ABI3BP: variants seen among roughly 807,000 people sequenced by gnomAD.
ABI3BP encodes the protein ABI family member 3 binding protein.
A neutral mutation model predicts 268.6 loss-of-function variants in ABI3BP; 216 were observed. The observed-to-expected ratio is 0.80, with a 90% CI of 0.72 to 0.90. ABI3BP has a LOEUF of 0.90. Ranked by LOEUF, ABI3BP falls within the 40% of genes least tolerant of loss-of-function variation. ABI3BP has a pLI of 0.00. For synonymous variants in ABI3BP, 730 were observed against 730.0 expected, an observed-to-expected ratio of 1.00 and a Z score of 0.00; for missense variants, 2,090 against 2,182.4, an observed-to-expected ratio of 0.96 and a Z score of 0.84.
rs528016706 is a variant in ABI3BP, at chr3:100,816,824, T to C, written c.3149-56A>G. On this transcript the variant is annotated intron_variant, in intron 42 of 67. Transcript: ENST00000471714. ...GCAGGTGGCTTTGGAGACAAAACTT[T>C]AGGTTTTTAAAGGTATGTCATATTT... 9.5e-5 allele frequency: 129 copies of C among 1,362,440 alleles called. No individual in the cohort carries two copies. The African/African-American group carries it at 1.8e-3, about 19-fold the overall frequency. 84.4% of individuals were successfully genotyped at this position (1,362,440 alleles called of 1,614,324 possible). A position where few individuals can be genotyped will look rare whatever the true frequency, so the allele number is the denominator to read the frequency against.
At chr3:100,937,560 T>G (rs1383835576) in intron 1 of ABI3BP, among the ~76,000 whole-genome samples, 1 of 152,090 alleles carries the variant, frequency 6.6e-6, no homozygotes, top group Non-Finnish European at 1.5e-5. Context: ...GAACGGGCTA[T>G]GACTTTCCTC....
At chr3:100,850,166 G>C in intron 16 of ABI3BP, 47 bp from the exon 17 acceptor site, 15 of 1,535,628 alleles carry the variant, frequency 9.8e-6, no homozygotes, top group Non-Finnish European at 1.3e-5. Context: ...CAGTTAAAAT[G>C]AGGTATTTGA....
Position 100,765,883 on chromosome 3 carries a change from T to A in ABI3BP, c.4808A>T (p.Asn1603Ile). Residue 1603 changes from asparagine to isoleucine, a missense_variant, in exon 63 of 68, where the codon AAT becomes ATT. Physicochemically the swap from Asn to Ile is moderately radical, Grantham distance 149 (BLOSUM62 -3). Transcript: ENST00000471714. ...ATTTTCTACTGTGGAAAATGTCTGATTTGTCATTTGAATGGACTTGTTCTT... is the reference window on the plus strand; with the variant it reads ...ATTTTCTACTGTGGAAAATGTCTGAATTGTCATTTGAATGGACTTGTTCTT... ...SGKNKSIQMTNQTFSTVENLK... is the reference protein window; with the variant it reads ...SGKNKSIQMTIQTFSTVENLK... 9.3e-6 allele frequency: 15 copies of A among 1,612,716 alleles called. No homozygotes were observed. The highest frequency in any genetic ancestry group is 1.2e-5 in the Non-Finnish European group (14 of 1,179,296).
intron 1 of ABI3BP, among the ~76,000 whole-genome samples, chr3:100,936,524 T>C (rs889373946): frequency 6.6e-6 from 1 of 152,168 alleles, no homozygotes; most frequent in African/African-American, 2.4e-5. Context: ...TCTTTTTTTA[T>C]TGTTTTGAAG....
At chr3:100,776,916 C>T (rs1386822145) in intron 59 of ABI3BP, among the ~76,000 whole-genome samples, 1 of 152,222 alleles carries the variant, frequency 6.6e-6, no homozygotes, top group African/African-American at 2.4e-5. Context: ...GTGGCACACT[C>T]AGGCATCACC....
chr3:100,885,349 A>G (rs1462524756), intron 6 of ABI3BP, among the ~76,000 whole-genome samples, 187 bp downstream of exon 6: 1 of 152,102 alleles, frequency 6.6e-6, no homozygotes, highest in Admixed American at 6.6e-5. Context: ...AACAAATCAG[A>G]GATGATTTGA....
intron 4 of ABI3BP, among the ~76,000 whole-genome samples, chr3:100,891,533 G>A (rs1012476665): frequency 4.6e-5 from 7 of 152,110 alleles, no homozygotes; most frequent in Non-Finnish European, 1.0e-4. Context: ...AAGACTAAAA[G>A]CATTTAAGCA....
intron 10 of ABI3BP, 144 bp downstream of exon 10, chr3:100,866,735 G>A (rs1425808983): frequency 1.1e-5 from 7 of 639,316 alleles, no homozygotes; most frequent in Non-Finnish European, 1.6e-5. Context: ...CCAAACGTTA[G>A]AGACCTAGAA....
At chr3:100,966,324 C>G (rs2081288599) in intron 1 of ABI3BP, among the ~76,000 whole-genome samples, 1 of 152,202 alleles carries the variant, frequency 6.6e-6, no homozygotes, top group Non-Finnish European at 1.5e-5. Flanking sequence ...CAACTTTTCT[C>G]TGGTGAAGTG....
chr3:100,828,750 A>T (rs1000401137), intron 33 of ABI3BP, among the ~76,000 whole-genome samples: 1 of 152,106 alleles, frequency 6.6e-6, no homozygotes, highest in African/African-American at 2.4e-5. Context: ...AGCATAGTAG[A>T]TGATACACAT....
At chr3:100,988,058 C>T (rs956218222) in intron 1 of ABI3BP, among the ~76,000 whole-genome samples, 1 of 152,136 alleles carries the variant, frequency 6.6e-6, no homozygotes, top group Non-Finnish European at 1.5e-5. Context: ...ATATATGTTA[C>T]TCAAATAAAA....
At chr3:100,783,960 C>T (rs981708387) in intron 57 of ABI3BP, among the ~76,000 whole-genome samples, 3 of 152,168 alleles carry the variant, frequency 2.0e-5, no homozygotes, top group Admixed American at 6.5e-5. Context: ...AGCTGGGACA[C>T]GTCTCTGGAA....
intron 1 of ABI3BP, among the ~76,000 whole-genome samples, chr3:100,946,580 G>C (rs1274705856): frequency 6.6e-6 from 1 of 151,910 alleles, no homozygotes. Context: ...CCAGAGATCG[G>C]GAGTTTGAGA....
intron 4 of ABI3BP, among the ~76,000 whole-genome samples, chr3:100,897,417 A>C (rs1330348087): frequency 6.6e-6 from 1 of 152,184 alleles, no homozygotes; most frequent in African/African-American, 2.4e-5. Context: ...AAAACAACAT[A>C]ATTCAGGTGC....
At chr3:100,964,704 C>A (rs1201228787) in intron 1 of ABI3BP, among the ~76,000 whole-genome samples, 1 of 152,214 alleles carries the variant, frequency 6.6e-6, no homozygotes, top group African/African-American at 2.4e-5. Flanking sequence ...TCCTGGCCCA[C>A]AAGAGGCACC....
At chr3:100,798,956 C>A (rs1306753578) in intron 51 of ABI3BP, among the ~76,000 whole-genome samples, 1 of 152,116 alleles carries the variant, frequency 6.6e-6, no homozygotes. Context: ...TTGGAGGCTA[C>A]CTGCTGGCTT....
chr3:100,837,329 T>G, intron 26 of ABI3BP, 158 bp from the exon 27 acceptor site: 1 of 493,138 alleles, frequency 2.0e-6, no homozygotes, highest in South Asian at 4.7e-5. Context: ...GTGAGATGCT[T>G]CTTAGCAAAT....
chr3:100,967,394 C>G (rs1454154872), intron 1 of ABI3BP, among the ~76,000 whole-genome samples: 1 of 151,268 alleles, frequency 6.6e-6, no homozygotes, highest in African/African-American at 2.4e-5. Flanking sequence ...ATCCCAGCTA[C>G]TCGGGAGGCT....
chr3:100,879,000 CACTT>C (rs1203336469), intron 6 of ABI3BP, among the ~76,000 whole-genome samples: 2 of 152,206 alleles, frequency 1.3e-5, no homozygotes, highest in Admixed American at 6.5e-5. Context: ...TCCACCTCCT[CACTT>C]ACCTGTCATT....
Sources: allele counts gnomAD v4.1 joint callset (sites outside exome capture counted in the v4.1 genomes callset), GRCh38; gene constraint gnomAD v4.1.1; transcripts MANE v1.5; gene names NCBI Gene and HGNC (gene_info 2026-07-23, HGNC 2026-07-21).